The following PARVA variants were observed in gnomAD, a reference collection of about 807,000 sequenced individuals.
PARVA encodes alpha-parvin.
A neutral mutation model predicts 52.6 loss-of-function variants in PARVA; 25 were observed. That is an observed-to-expected ratio of 0.48 (90% confidence interval 0.35 to 0.66). The LOEUF is 0.66. Among genes scored for constraint, PARVA ranks in the 30% least tolerant of loss-of-function variants. PARVA has a pLI of 0.01. For synonymous variants in PARVA, 185 were observed against 179.1 expected (o/e 1.03, Z -0.26); for missense variants, 373 against 450.9 (o/e 0.83, Z 1.56).
chr11:12,382,957 T>C (rs1939514824), intron 1 of PARVA, among the ~76,000 whole-genome samples: 2 of 152,208 alleles, frequency 1.3e-5, no homozygotes, highest in Admixed American at 1.3e-4. Flanking sequence ...TTTGAAATAG[T>C]CTTTTTATTA....
At chr11:12,433,581 C>T (rs7941929) in intron 1 of PARVA, among the ~76,000 whole-genome samples, 11,434 of 152,186 alleles carry the variant, frequency 0.075, 498 homozygotes, top group South Asian at 0.14. Context: ...TTCATAGAAG[C>T]ACTTTGCAAG....
At chr11:12,397,936 C>T (rs181867199) in intron 1 of PARVA, among the ~76,000 whole-genome samples, 44 of 151,938 alleles carry the variant, frequency 2.9e-4, no homozygotes, top group East Asian at 1.2e-3. Context: ...AGCATCCACA[C>T]GCAGAGGTCT....
At chr11:12,460,071 C>T (rs901029915) in intron 1 of PARVA, among the ~76,000 whole-genome samples, 3 of 152,184 alleles carry the variant, frequency 2.0e-5, no homozygotes, top group Non-Finnish European at 4.4e-5. Flanking sequence ...ACTGTGTTCC[C>T]ATGCCTTCAC....
chr11:12,434,216 G>C (rs1390824612), intron 1 of PARVA, among the ~76,000 whole-genome samples: 1 of 152,088 alleles, frequency 6.6e-6, no homozygotes, highest in African/African-American at 2.4e-5. Context: ...AAAGGCAGTG[G>C]GGGGCAAGGC....
chr11:12,471,341 G>A (rs1201826991), intron 1 of PARVA, among the ~76,000 whole-genome samples: 1 of 144,026 alleles, frequency 6.9e-6, no homozygotes, highest in Non-Finnish European at 1.5e-5. Context: ...TGAATGGGAT[G>A]ACCTAGGACA....
intron 9 of PARVA, 151 bp downstream of exon 9, chr11:12,513,511 T>G: frequency 1.3e-6 from 1 of 770,672 alleles, no homozygotes; most frequent in Non-Finnish European, 2.4e-6. Flanking sequence ...GCCATCCATG[T>G]ACCTGTCTGT....
rs1300040637 is a variant in PARVA, at chr11:12,529,627, C to T, written c.*1702C>T. 6.6e-6 allele frequency: 1 copy of T among 152,220 alleles called. No homozygotes were observed. Among genetic ancestry groups the T allele is most frequent in the Non-Finnish European group, 1.5e-5 (1 of 68,040 alleles). The allele number at this position is 152,220 out of a possible 1,614,324, so 9.4% of individuals were successfully genotyped here. A position where few individuals can be genotyped will look rare whatever the true frequency, so the allele number is the denominator to read the frequency against. On this transcript the variant is annotated 3_prime_UTR_variant, in exon 13 of 13. Transcript: ENST00000334956. ...GAGAATTCATTTTGATCTGTATCTA[C>T]ACCACCCAAAGTTAGGCCTCCTATA...
In PARVA at chr11:12,507,616, C is replaced by A. The variant is rs186045755; in HGVS notation, c.658-968C>A. On this transcript the variant is annotated intron_variant, in intron 6 of 12. Coordinates refer to ENST00000334956, the MANE Select transcript of PARVA (RefSeq NM_018222.5). ...CTTCTCAGTGTCCAGCTCCAGGGCC[C>A]CCTCCCCTTGGAAGGTTTCTCTGAC... Among the ~76,000 whole-genome samples, 6 of 152,246 alleles carry A rather than the reference C, an allele frequency of 3.9e-5. No individual in the cohort carries two copies. The East Asian group carries it at 1.2e-3, about 30-fold the overall frequency.
intron 1 of PARVA, among the ~76,000 whole-genome samples, chr11:12,384,392 G>A (rs1441523935): frequency 6.6e-6 from 1 of 152,196 alleles, no homozygotes; most frequent in Admixed American, 6.5e-5. Flanking sequence ...CACTGTACTA[G>A]GTTCTAGAAA....
intron 1 of PARVA, among the ~76,000 whole-genome samples, chr11:12,411,557 A>G (rs1053268812): frequency 6.6e-6 from 1 of 152,126 alleles, no homozygotes; most frequent in African/African-American, 2.4e-5. Flanking sequence ...CCTCTTGGCT[A>G]TAATAGCTTT....
At chr11:12,418,536 C>G (rs1157346446) in intron 1 of PARVA, among the ~76,000 whole-genome samples, 1 of 152,146 alleles carries the variant, frequency 6.6e-6, no homozygotes, top group Non-Finnish European at 1.5e-5. Flanking sequence ...GAGCAGAGCC[C>G]AGCTTCTCAG....
chr11:12,414,691 C>T (rs1408456256), intron 1 of PARVA, among the ~76,000 whole-genome samples: 1 of 149,188 alleles, frequency 6.7e-6, no homozygotes, highest in African/African-American at 2.5e-5. Flanking sequence ...TATATTCAAA[C>T]GAGTCCTTAT....
intron 4 of PARVA, among the ~76,000 whole-genome samples, chr11:12,483,983 T>G (rs1435362891): frequency 6.6e-6 from 1 of 152,166 alleles, no homozygotes; most frequent in Non-Finnish European, 1.5e-5. Flanking sequence ...TCCAGGGTGA[T>G]TGATGGAAGA....
At chr11:12,419,868 C>T (rs78104038) in intron 1 of PARVA, among the ~76,000 whole-genome samples, 194 of 152,258 alleles carry the variant, frequency 1.3e-3, no homozygotes, top group African/African-American at 4.5e-3. Context: ...ATTCTTCTTA[C>T]GTTGTTGCTG....
chr11:12,415,978 T>C (rs982981385), intron 1 of PARVA, among the ~76,000 whole-genome samples: 1 of 152,242 alleles, frequency 6.6e-6, no homozygotes, highest in Non-Finnish European at 1.5e-5. Context: ...CTTGCCTTAT[T>C]GGGGGCAGAA....
intron 12 of PARVA, among the ~76,000 whole-genome samples, chr11:12,526,171 AATTC>A (rs1348283469): frequency 6.6e-6 from 1 of 152,192 alleles, no homozygotes; most frequent in Non-Finnish European, 1.5e-5. Flanking sequence ...ACTGCTATAT[AATTC>A]ATTCATGTAA....
In PARVA at chr11:12,535,351, A is replaced by G. The variant is rs951035375; in HGVS notation, c.*7426A>G. 1.3e-5 allele frequency among the ~76,000 whole-genome samples: 2 copies of G among 152,242 alleles called. No homozygotes were observed. The highest frequency in any genetic ancestry group is 1.9e-4 in the East Asian group (1 of 5,204). ...AGCATCCCTTTGGTGTGCTTTGTCA[A>G]TAAGATACAGAGCTTTCTCTCCCAT... is the stretch of plus-strand genomic sequence containing the variant. On this transcript the variant is annotated 3_prime_UTR_variant, in exon 13 of 13. Coordinates refer to ENST00000334956, the MANE Select transcript of PARVA (RefSeq NM_018222.5).
chr11:12,414,827 G>T (rs535753532), intron 1 of PARVA, among the ~76,000 whole-genome samples: 3 of 152,192 alleles, frequency 2.0e-5, no homozygotes, highest in Non-Finnish European at 1.5e-5. Context: ...GAGTTCTGTG[G>T]GTTATGGCCA....
At chr11:12,491,113 T>C (rs1941228627) in intron 4 of PARVA, among the ~76,000 whole-genome samples, 1 of 152,160 alleles carries the variant, frequency 6.6e-6, no homozygotes, top group Non-Finnish European at 1.5e-5. Flanking sequence ...GTAAACTCAA[T>C]ATCAGACCAA....
Sources: gnomAD v4.1 joint callset for allele counts (sites outside exome capture counted in the v4.1 genomes callset) on GRCh38, gnomAD v4.1.1 for gene constraint, MANE v1.5 for transcripts, NCBI Gene and HGNC (gene_info 2026-07-23, HGNC 2026-07-21) for gene names.